TMEM132D: variants seen among roughly 807,000 people sequenced by gnomAD.
TMEM132D encodes mature OL transmembrane protein.
TMEM132D carries 21 observed loss-of-function variants against 62.3 expected under a neutral mutation model. The observed-to-expected ratio is 0.34, with a 90% CI of 0.24 to 0.49. TMEM132D has a LOEUF of 0.49. Ranked by LOEUF, TMEM132D falls within the 20% of genes least tolerant of loss-of-function variation. TMEM132D has a pLI of 0.99. For synonymous variants in TMEM132D, 621 were observed against 575.6 expected (o/e 1.08, Z -1.13); for missense variants, 1,346 against 1,402.8 (o/e 0.96, Z 0.65).
intron 3 of TMEM132D, among the ~76,000 whole-genome samples, chr12:129,383,783 A>G (rs932483566): frequency 6.6e-6 from 1 of 152,212 alleles, no homozygotes; most frequent in Admixed American, 6.5e-5. Flanking sequence ...CTTGATTAGT[A>G]CAATGGTTCT....
rs954934484 is a variant in TMEM132D, at chr12:129,254,277, T to G, written c.1300-44614A>C. The stretch of plus-strand genomic sequence containing the variant: ...TGATGGACATCCCGATTACTCTGAT[T>G]TGATCATTACACATTGTAAACCAGT... On this transcript the variant is annotated intron_variant, in intron 4 of 8. Transcript: ENST00000422113. Among the ~76,000 whole-genome samples the G allele has an allele frequency of 1.2e-4, 19 of 152,370 alleles. No homozygotes were observed. In the Middle Eastern group the frequency reaches 0.01, roughly 82 times the overall value.
intron 2 of TMEM132D, among the ~76,000 whole-genome samples, chr12:129,610,180 G>A (rs1878732355): frequency 6.6e-6 from 1 of 151,788 alleles, no homozygotes; most frequent in Non-Finnish European, 1.5e-5. Context: ...GCTGAGGCAG[G>A]AGAATAGAAT....
intron 2 of TMEM132D, among the ~76,000 whole-genome samples, chr12:129,634,048 G>A (rs1879416455): frequency 6.6e-6 from 1 of 152,136 alleles, no homozygotes; most frequent in Non-Finnish European, 1.5e-5. Context: ...TCAGAACCCA[G>A]CATATTAATT....
chr12:129,833,908 T>A (rs939508337), intron 1 of TMEM132D, among the ~76,000 whole-genome samples: 6 of 152,132 alleles, frequency 3.9e-5, no homozygotes, highest in African/African-American at 9.7e-5. Flanking sequence ...ATTTTTTTTT[T>A]AATTCAAGCA....
At chr12:129,580,857 T>C (rs910583116) in intron 2 of TMEM132D, among the ~76,000 whole-genome samples, 39 of 152,328 alleles carry the variant, frequency 2.6e-4, no homozygotes, top group African/African-American at 8.9e-4. Flanking sequence ...GAGTCTGATA[T>C]GGAACTCTAT....
At chr12:129,228,324 G>A (rs192073515) in intron 4 of TMEM132D, among the ~76,000 whole-genome samples, 2 of 152,150 alleles carry the variant, frequency 1.3e-5, no homozygotes, top group Non-Finnish European at 2.9e-5. Flanking sequence ...CCATTTTTGT[G>A]TTGTTTTGAG....
intron 2 of TMEM132D, among the ~76,000 whole-genome samples, chr12:129,560,333 G>A (rs935176723): frequency 3.4e-5 from 5 of 148,712 alleles, no homozygotes; most frequent in South Asian, 2.2e-4. Context: ...GCAGTGGCAC[G>A]ATCTCGGCTC....
intron 4 of TMEM132D, among the ~76,000 whole-genome samples, chr12:129,224,496 T>C (rs1033376410): frequency 1.3e-5 from 2 of 152,220 alleles, no homozygotes; most frequent in African/African-American, 4.8e-5. Flanking sequence ...CTCCACTGTA[T>C]ACAGTGAGCT....
chr12:129,484,298 T>C (rs371180612), intron 3 of TMEM132D, among the ~76,000 whole-genome samples: 2 of 152,200 alleles, frequency 1.3e-5, no homozygotes, highest in South Asian at 4.1e-4. Flanking sequence ...TCTAAAATCT[T>C]GGGCACTTGC....
At chr12:129,679,120 C>G (rs1261461409) in intron 2 of TMEM132D, among the ~76,000 whole-genome samples, 1 of 151,786 alleles carries the variant, frequency 6.6e-6, no homozygotes, top group African/African-American at 2.4e-5. Flanking sequence ...GTCAAGTTCC[C>G]TAAAAAACCT....
chr12:129,473,560 G>A (rs1874167805), intron 3 of TMEM132D, among the ~76,000 whole-genome samples: 1 of 151,522 alleles, frequency 6.6e-6, no homozygotes, highest in Non-Finnish European at 1.5e-5. Context: ...CGAACCCCTG[G>A]CCTGCAGTGA....
Position 129,717,534 on chromosome 12 carries a change from T to C in TMEM132D, c.80-16836A>G, listed in dbSNP as rs777480916. On this transcript the variant is annotated intron_variant, in intron 1 of 8. Coordinates refer to ENST00000422113, the MANE Select transcript of TMEM132D (RefSeq NM_133448.3). ...TAATAATATATTTAATAAAATCATA[T>C]TTTGATAAAATATTTAATAAATATT... is the stretch of plus-strand genomic sequence containing the variant. Among the ~76,000 whole-genome samples, 43 of 149,658 alleles carry C rather than the reference T, an allele frequency of 2.9e-4. 2 individuals are homozygous for C. The highest frequency in any genetic ancestry group is 5.5e-4 in the Non-Finnish European group (37 of 67,380).
chr12:129,095,189 A>G (rs947303498), intron 5 of TMEM132D, among the ~76,000 whole-genome samples: 1 of 152,032 alleles, frequency 6.6e-6, no homozygotes, highest in African/African-American at 2.4e-5. Context: ...TAATAATAAT[A>G]AAATTTAAAA....
chr12:129,672,730 TA>T (rs1169140164), intron 2 of TMEM132D, among the ~76,000 whole-genome samples: 1 of 152,222 alleles, frequency 6.6e-6, no homozygotes, highest in African/African-American at 2.4e-5. Flanking sequence ...TATTTTGGTA[TA>T]CTGTTCCATG....
rs1707938 is a variant in TMEM132D at position 129,903,628 on chromosome 12, G to A, written c.-289C>T. On this transcript the variant is annotated 5_prime_UTR_variant, in exon 1 of 9. Transcript: ENST00000422113. The surrounding 1 kb of genome is among the most constrained non-coding windows in gnomAD (Gnocchi z 6.2). ...AATTTTTTTTAAATTTTAATCCACA[G>A]GGGGTATTTCCTTTCCTGTTTACCC... 430,711 of 433,834 alleles carry A rather than the reference G, an allele frequency of 0.99. 213,877 individuals are homozygous for A. Among genetic ancestry groups the A allele is most frequent in the East Asian group, 1 (24,563 of 24,564 alleles). The allele number at this position is 433,834 out of a possible 1,614,324, so 26.9% of individuals were successfully genotyped here. A position where few individuals can be genotyped will look rare whatever the true frequency, so the allele number is the denominator to read the frequency against.
intron 2 of TMEM132D, among the ~76,000 whole-genome samples, chr12:129,668,090 AC>A (rs1880419040): frequency 6.6e-6 from 1 of 151,424 alleles, no homozygotes; most frequent in South Asian, 2.1e-4. Flanking sequence ...GGAGATTGTG[AC>A]ATTAGAATAG....
chr12:129,360,089 C>T (rs1870199286), intron 3 of TMEM132D, among the ~76,000 whole-genome samples: 1 of 152,044 alleles, frequency 6.6e-6, no homozygotes, highest in African/African-American at 2.4e-5. Flanking sequence ...GAGTAAGGGA[C>T]AATTCTTCAT....
At chr12:129,186,913 A>G (rs1878237625) in intron 5 of TMEM132D, among the ~76,000 whole-genome samples, 1 of 152,230 alleles carries the variant, frequency 6.6e-6, no homozygotes, top group African/African-American at 2.4e-5. Flanking sequence ...TTTTAGACAC[A>G]CTATTTTTGC....
chr12:129,498,519 G>A (rs532795160), intron 3 of TMEM132D, among the ~76,000 whole-genome samples: 2 of 152,290 alleles, frequency 1.3e-5, no homozygotes, highest in East Asian at 1.9e-4. Flanking sequence ...CTCCTAAAGC[G>A]CTGGGATTAG....
Sources: gnomAD v4.1 joint callset for allele counts (sites outside exome capture counted in the v4.1 genomes callset) on GRCh38, gnomAD v4.1.1 for gene constraint, Gnocchi (gnomAD v3.1) non-coding constraint, MANE v1.5 for transcripts, NCBI Gene and HGNC (gene_info 2026-07-23, HGNC 2026-07-21) for gene names.